The following CFAP54 variants were observed in gnomAD, a reference collection of about 807,000 sequenced individuals.
The protein encoded by CFAP54 is cilia and flagella associated protein 54, also known as cilia- and flagella-associated protein 54.
A neutral mutation model predicts 370.4 loss-of-function variants in CFAP54; 290 were observed. The ratio of observed to expected loss-of-function variants is 0.78; its 90% CI spans 0.71 to 0.86. The LOEUF (loss-of-function observed/expected upper bound fraction) is 0.86. CFAP54 is among the 40% of genes least tolerant of loss of function. The pLI is 0.00. For synonymous variants in CFAP54, 1,206 were observed against 1,236.5 expected (o/e 0.98, Z 0.52); for missense variants, 3,399 against 3,528.7 (o/e 0.96, Z 0.93).
At chr12:96,658,998 G>A (rs1334247936) in intron 38 of CFAP54, among the ~76,000 whole-genome samples, 3 of 152,092 alleles carry the variant, frequency 2.0e-5, no homozygotes, top group African/African-American at 4.8e-5. Flanking sequence ...CAGGAAATCA[G>A]TTCTGCAGTG....
chr12:96,676,460 T>C (rs1592703371), intron 39 of CFAP54, among the ~76,000 whole-genome samples: 1 of 152,176 alleles, frequency 6.6e-6, no homozygotes, highest in Non-Finnish European at 1.5e-5. Flanking sequence ...ACCCCTAATA[T>C]GATGATCTTA....
chr12:96,718,924 G>A (rs977400652), intron 49 of CFAP54, among the ~76,000 whole-genome samples: 1 of 152,056 alleles, frequency 6.6e-6, no homozygotes, highest in African/African-American at 2.4e-5. Flanking sequence ...TGTAATTCTA[G>A]CTACTCAGGA....
intron 40 of CFAP54, 71 bp from the exon 41 acceptor site, chr12:96,684,577 A>C (rs1040248922): frequency 1.5e-6 from 2 of 1,336,218 alleles, no homozygotes; most frequent in Non-Finnish European, 2.1e-6. Flanking sequence ...CAGTTTAAAA[A>C]ATTCTTGCAA....
In CFAP54 at chr12:96,716,056, C is replaced by T. The variant is rs572757665; in HGVS notation, c.6725-2387C>T. Among the ~76,000 whole-genome samples the T allele has an allele frequency of 7.9e-5, 12 of 152,270 alleles. No individual in the cohort carries two copies. In the South Asian group the frequency reaches 2.5e-3, roughly 32 times the overall value. On this transcript the variant is annotated intron_variant, in intron 48 of 67. Coordinates refer to ENST00000524981, the MANE Select transcript of CFAP54 (RefSeq NM_001306084.2). ...ACATCACCTCACTTCACATCCAACT[C>T]CTGATTTTAGTTGATTTTAATTCTA... is the stretch of plus-strand genomic sequence containing the variant.
chr12:96,791,626 T>C (rs138942308), intron 62 of CFAP54, among the ~76,000 whole-genome samples: 11 of 152,134 alleles, frequency 7.2e-5, no homozygotes, highest in African/African-American at 2.6e-4. Flanking sequence ...CCATATGGCA[T>C]TGCAAAAAAA....
chr12:96,843,381 C>G (rs1472508792), intron 66 of CFAP54, among the ~76,000 whole-genome samples: 2 of 152,152 alleles, frequency 1.3e-5, no homozygotes, highest in Non-Finnish European at 2.9e-5. Context: ...CTTGCTATAA[C>G]TTTGCTGCTG....
intron 45 of CFAP54, 121 bp from the exon 46 acceptor site, chr12:96,699,850 C>T: frequency 1.4e-6 from 1 of 736,578 alleles, no homozygotes; most frequent in South Asian, 1.8e-5. Flanking sequence ...ATTCATAATG[C>T]ATTACCAACA....
At chr12:96,633,739 A>G (rs1374968466) in intron 32 of CFAP54, among the ~76,000 whole-genome samples, 2 of 152,222 alleles carry the variant, frequency 1.3e-5, no homozygotes, top group Non-Finnish European at 2.9e-5. Context: ...TAATGCTGTG[A>G]TGAACATTCA....
intron 46 of CFAP54, among the ~76,000 whole-genome samples, chr12:96,701,495 C>T (rs890745401): frequency 6.6e-6 from 1 of 152,008 alleles, no homozygotes; most frequent in Non-Finnish European, 1.5e-5. Flanking sequence ...ACACCAAATA[C>T]ATTAAGCACA....
At chr12:96,600,891 C>A (rs1278238020) in intron 26 of CFAP54, among the ~76,000 whole-genome samples, 5 of 152,180 alleles carry the variant, frequency 3.3e-5, no homozygotes, top group Non-Finnish European at 7.3e-5. Flanking sequence ...AATATACAAT[C>A]ATGTCATCTG....
intron 48 of CFAP54, among the ~76,000 whole-genome samples, chr12:96,714,478 A>G (rs1957652464): frequency 6.6e-6 from 1 of 152,186 alleles, no homozygotes; most frequent in African/African-American, 2.4e-5. Flanking sequence ...GAGAAGAGAC[A>G]GGTGAAGGAA....
intron 39 of CFAP54, among the ~76,000 whole-genome samples, chr12:96,665,019 G>C (rs1957062761): frequency 6.6e-6 from 1 of 151,600 alleles, no homozygotes. Context: ...TCTGACTGGT[G>C]TGAGATGGTA....
Position 96,623,793 on chromosome 12 carries a change from T to G in CFAP54, c.3798T>G (p.Thr1266=). 1 of 1,534,626 alleles carries G rather than the reference T, an allele frequency of 6.5e-7. No homozygotes were observed. The highest frequency in any genetic ancestry group is 8.7e-7 in the Non-Finnish European group (1 of 1,145,852). The change falls in exon 28 of 68, where the codon ACT becomes ACG. Residue 1266 remains threonine (T), a synonymous_variant. Transcript: ENST00000524981. ...EEDSSKKSLK[T]KKPQQILLPE... ...ATTCTTCTAAGAAGTCTTTAAAGACTAAGAAGCCACAGCAGATACTACTGC... is the reference window on the plus strand; with the variant it reads ...ATTCTTCTAAGAAGTCTTTAAAGACGAAGAAGCCACAGCAGATACTACTGC...
intron 65 of CFAP54, 139 bp from the exon 66 acceptor site, chr12:96,828,875 T>C: frequency 2.3e-6 from 1 of 431,302 alleles, no homozygotes; most frequent in Non-Finnish European, 4.1e-6. Flanking sequence ...TTATGATTTC[T>C]GAGCCCTCTG....
At chr12:96,512,014 T>C (rs1592822892) in intron 4 of CFAP54, among the ~76,000 whole-genome samples, 1 of 152,160 alleles carries the variant, frequency 6.6e-6, no homozygotes, top group Non-Finnish European at 1.5e-5. Context: ...CCCTCCAGCC[T>C]TCTATCCTCT....
At chr12:96,508,574 C>G (rs1281029613) in intron 4 of CFAP54, among the ~76,000 whole-genome samples, 1 of 149,830 alleles carries the variant, frequency 6.7e-6, no homozygotes, top group Non-Finnish European at 1.5e-5. Flanking sequence ...GTGTGAGCCA[C>G]CATGCCCGGC....
At chr12:96,658,747 C>G (rs1008374726) in intron 38 of CFAP54, among the ~76,000 whole-genome samples, 9 of 152,012 alleles carry the variant, frequency 5.9e-5, no homozygotes, top group Non-Finnish European at 1.3e-4. Flanking sequence ...GTCTGTGGCT[C>G]TAAGTACATC....
chr12:96,689,138 C>G (rs886643393), intron 43 of CFAP54, among the ~76,000 whole-genome samples, 156 bp downstream of exon 43: 5 of 152,100 alleles, frequency 3.3e-5, no homozygotes, highest in African/African-American at 1.2e-4. Context: ...TGGCTGAACC[C>G]CTGTGAGACT....
intron 44 of CFAP54, among the ~76,000 whole-genome samples, chr12:96,693,076 G>T (rs753970135): frequency 8.5e-5 from 13 of 152,202 alleles, no homozygotes; most frequent in Non-Finnish European, 1.8e-4. Flanking sequence ...AAGAGCAATT[G>T]AACTTGGGGT....
Sources: gnomAD v4.1 joint callset for allele counts (sites outside exome capture counted in the v4.1 genomes callset) on GRCh38, gnomAD v4.1.1 for gene constraint, MANE v1.5 for transcripts, NCBI Gene and HGNC (gene_info 2026-07-23, HGNC 2026-07-21) for gene names.